SPHKAP: variants seen among roughly 807,000 people sequenced by gnomAD.
SPHKAP encodes SPHK1 interactor, AKAP domain containing.
A neutral mutation model predicts 137.5 loss-of-function variants in SPHKAP; 67 were observed. That is an observed-to-expected ratio of 0.49 (90% CI 0.40 to 0.60). SPHKAP has a LOEUF of 0.60. SPHKAP is among the 20% of genes least tolerant of loss of function. SPHKAP has a pLI of 0.00. For synonymous variants in SPHKAP, 813 were observed against 785.3 expected (o/e 1.04, Z -0.59); for missense variants, 2,097 against 2,069.3 (o/e 1.01, Z -0.26).
At chr2:228,001,684 A>G (rs1207420909) in intron 7 of SPHKAP, among the ~76,000 whole-genome samples, 8 of 151,524 alleles carry the variant, frequency 5.3e-5, no homozygotes, top group African/African-American at 1.2e-4. Context: ...CTCGTCATTT[A>G]CATTAGGTAT....
intron 1 of SPHKAP, among the ~76,000 whole-genome samples, chr2:228,165,434 C>T (rs575752665): frequency 4.9e-4 from 74 of 152,306 alleles, no homozygotes; most frequent in African/African-American, 1.7e-3. Context: ...GCCTTTCATA[C>T]ATTCAGTTGA....
intron 1 of SPHKAP, among the ~76,000 whole-genome samples, chr2:228,157,599 A>G (rs1177758859): frequency 6.6e-6 from 1 of 152,084 alleles, no homozygotes; most frequent in African/African-American, 2.4e-5. Flanking sequence ...TTTTTAATAG[A>G]CTTCTCTTTC....
Position 228,017,606 on chromosome 2 carries a change from C to G in SPHKAP, c.3248G>C (p.Cys1083Ser). 1 of 1,613,938 alleles carries G rather than the reference C, an allele frequency of 6.2e-7. No homozygotes were observed. The highest frequency in any genetic ancestry group is 8.5e-7 in the Non-Finnish European group (1 of 1,180,034). Residue 1083 changes from cysteine (C) to serine (S), a missense_variant, in exon 7 of 12, where the codon TGC becomes TCC. By Grantham distance (112) the Cys-to-Ser change is moderately radical. Transcript: ENST00000392056. The stretch of plus-strand genomic sequence containing the variant: ...GGAGTCTTCCTCAGGAATGCTTTCG[C>G]AGCTGGAGGCCTTCAGCCGGCTCCA... ...DRWSRLKASS[C>S]ESIPEEDSEA...
In SPHKAP at chr2:228,018,011, C is replaced by T; in HGVS notation, c.2843G>A (p.Cys948Tyr). ...VSMATEIAAICLDNSSGKQPW... is the reference protein window; with the variant it reads ...VSMATEIAAIYLDNSSGKQPW... ...TTGTTTTCCACTGGAGTTGTCAAGGCAAATCGCTGCAATTTCAGTTGCCAT... is the reference window on the plus strand; with the variant it reads ...TTGTTTTCCACTGGAGTTGTCAAGGTAAATCGCTGCAATTTCAGTTGCCAT... The change falls in exon 7 of 12, where the codon TGC (cysteine) becomes TAC (tyrosine). Residue 948 changes from cysteine to tyrosine, a missense_variant. Physicochemically the swap from Cys to Tyr is radical, Grantham distance 194. Coordinates refer to ENST00000392056, the MANE Select transcript of SPHKAP (RefSeq NM_001142644.2). 2 of 1,614,130 alleles carry T rather than the reference C, an allele frequency of 1.2e-6. No homozygotes were observed. The highest frequency in any genetic ancestry group is 1.7e-6 in the Non-Finnish European group (2 of 1,180,026).
At chr2:228,112,208 A>C (rs562379883) in intron 2 of SPHKAP, among the ~76,000 whole-genome samples, 1 of 152,174 alleles carries the variant, frequency 6.6e-6, no homozygotes, top group Non-Finnish European at 1.5e-5. Flanking sequence ...CTGTGTCATA[A>C]GAACATTAAA....
chr2:228,007,571 C>T (rs1012182910), intron 7 of SPHKAP, among the ~76,000 whole-genome samples: 2 of 152,006 alleles, frequency 1.3e-5, no homozygotes, highest in Admixed American at 1.3e-4. Flanking sequence ...CTGTATTTGT[C>T]TCTCAGTGCT....
At position 228,017,367 on chromosome 2, in the gene SPHKAP, C is replaced by T; in HGVS notation, c.3487G>A (p.Ala1163Thr). Residue 1163 changes from alanine (A) to threonine (T), a missense_variant, in exon 7 of 12, where the codon GCC becomes ACC. Transcript: ENST00000392056. ...GKNASSILNS[A>T]MQQACRKSDH... ...CTTTTCCGGCACGCCTGTTGCATGG[C>T]TGAGTTCAGAATGCTGCTGGCGTTC... 9 of 1,613,834 alleles carry T rather than the reference C, an allele frequency of 5.6e-6. No homozygotes were observed. The highest frequency in any genetic ancestry group is 6.8e-6 in the Non-Finnish European group (8 of 1,179,872).
intron 1 of SPHKAP, among the ~76,000 whole-genome samples, chr2:228,170,057 G>A (rs1301560485): frequency 1.3e-5 from 2 of 151,860 alleles, no homozygotes; most frequent in African/African-American, 2.4e-5. Context: ...GACATTGAGG[G>A]GTTCAAGGCT....
chr2:228,092,160 TATGTGTGTACACACAC>T (rs1367367089), intron 3 of SPHKAP, among the ~76,000 whole-genome samples: 2 of 115,228 alleles, frequency 1.7e-5, no homozygotes, highest in African/African-American at 3.3e-5. Context: ...CATATACATA[TATGTGTGTACACACAC>T]ATGTGTGTAC....
At chr2:228,137,068 G>A (rs1049614026) in intron 1 of SPHKAP, among the ~76,000 whole-genome samples, 1 of 151,900 alleles carries the variant, frequency 6.6e-6, no homozygotes, top group African/African-American at 2.4e-5. Context: ...CTCCTGCCTC[G>A]TTCCCACCCA....
intron 3 of SPHKAP, among the ~76,000 whole-genome samples, chr2:228,034,927 C>G (rs1319168247): frequency 6.6e-6 from 1 of 151,492 alleles, no homozygotes; most frequent in Non-Finnish European, 1.5e-5. Flanking sequence ...CAATATCATT[C>G]CGGATGGGCA....
chr2:227,985,769 A>C (rs1693187966), intron 11 of SPHKAP, among the ~76,000 whole-genome samples: 1 of 152,222 alleles, frequency 6.6e-6, no homozygotes. Context: ...AATAAATTAG[A>C]TTAATTGTTT....
chr2:228,074,449 T>G (rs142266844), intron 3 of SPHKAP, among the ~76,000 whole-genome samples: 76 of 152,130 alleles, frequency 5.0e-4, no homozygotes, highest in Non-Finnish European at 8.5e-4. Context: ...ACATCTTACA[T>G]GGCAGCAGGC....
At chr2:228,141,262 A>C (rs1418374643) in intron 1 of SPHKAP, among the ~76,000 whole-genome samples, 1 of 152,226 alleles carries the variant, frequency 6.6e-6, no homozygotes, top group Admixed American at 6.5e-5. Flanking sequence ...AACCCTCTCT[A>C]AACCTTAGTT....
intron 3 of SPHKAP, among the ~76,000 whole-genome samples, chr2:228,039,495 T>G (rs552080406): frequency 6.6e-6 from 1 of 152,324 alleles, no homozygotes; most frequent in African/African-American, 2.4e-5. Flanking sequence ...TACTCTTATT[T>G]ATGACTCTCT....
At chr2:228,040,611 G>C (rs1695799316) in intron 3 of SPHKAP, among the ~76,000 whole-genome samples, 1 of 151,980 alleles carries the variant, frequency 6.6e-6, no homozygotes, top group Non-Finnish European at 1.5e-5. Context: ...ATTTTGAACT[G>C]CAATTCTGGG....
chr2:228,132,497 A>G (rs1023446515), intron 1 of SPHKAP: 1 of 803,746 alleles, frequency 1.2e-6, no homozygotes, highest in Non-Finnish European at 1.5e-6. Context: ...GAGGTAAAAT[A>G]TAATTTTAAT....
intron 7 of SPHKAP, among the ~76,000 whole-genome samples, chr2:228,001,464 C>T (rs906325506): frequency 1.5e-4 from 20 of 134,104 alleles, no homozygotes; most frequent in South Asian, 2.3e-4. Context: ...CGAATATATA[C>T]GTATATATAA....
chr2:228,141,945 C>A (rs1699618712), intron 1 of SPHKAP, among the ~76,000 whole-genome samples: 1 of 152,046 alleles, frequency 6.6e-6, no homozygotes, highest in Non-Finnish European at 1.5e-5. Context: ...TTTCTGTTTG[C>A]CTTCTTAATT....
Sources: allele counts gnomAD v4.1 joint callset (sites outside exome capture counted in the v4.1 genomes callset), GRCh38; gene constraint gnomAD v4.1.1; transcripts MANE v1.5; gene names NCBI Gene and HGNC (gene_info 2026-07-23, HGNC 2026-07-21).